COPG2: variants seen among roughly 807,000 people sequenced by gnomAD.
COPG2 encodes the protein coat protein complex I subunit gamma 2.
A neutral mutation model predicts 46.3 loss-of-function variants in COPG2; 37 were observed. That is an observed-to-expected ratio of 0.80 (90% CI 0.61 to 1.05). COPG2 has a LOEUF of 1.05. Among genes scored for constraint, COPG2 ranks in the 50% least tolerant of loss-of-function variants. The pLI is 0.00. For synonymous variants in COPG2, 159 were observed against 129.7 expected (o/e 1.23, Z -1.53); for missense variants, 427 against 387.8 (o/e 1.10, Z -0.85).
intron 3 of COPG2, among the ~76,000 whole-genome samples, chr7:130,664,161 T>C (rs1796030711): frequency 6.6e-6 from 1 of 152,194 alleles, no homozygotes; most frequent in African/African-American, 2.4e-5. Flanking sequence ...CCTCAAATAT[T>C]ACCATTTCAA....
At chr7:130,608,316 C>A in intron 9 of COPG2, 1 of 329,806 alleles carries the variant, frequency 3.0e-6, no homozygotes, top group South Asian at 2.7e-5. Context: ...TAATTTGCTG[C>A]TGGTTTTAGT....
chr7:130,587,306 C>CA (rs540920750), intron 9 of COPG2, among the ~76,000 whole-genome samples: 6 of 150,638 alleles, frequency 4.0e-5, no homozygotes, highest in East Asian at 1.9e-4. Flanking sequence ...GACTCCATCT[C>CA]AAAAAAAAGA....
intron 20 of COPG2, among the ~76,000 whole-genome samples, chr7:130,536,577 G>A (rs958571179): frequency 0.015 from 2,279 of 152,328 alleles, 60 homozygotes; most frequent in African/African-American, 0.052. Context: ...ATCCTCGGGT[G>A]AGAATCACTG....
At chr7:130,575,978 C>T (rs1252108603) in intron 9 of COPG2, among the ~76,000 whole-genome samples, 4 of 152,160 alleles carry the variant, frequency 2.6e-5, no homozygotes, top group Non-Finnish European at 5.9e-5. Flanking sequence ...CAAAGGGGTA[C>T]ATTAGATAAT....
chr7:130,584,576 A>G (rs1554447749), intron 9 of COPG2, among the ~76,000 whole-genome samples: 1 of 152,070 alleles, frequency 6.6e-6, no homozygotes, highest in Non-Finnish European at 1.5e-5. Context: ...ACTCCTCCAG[A>G]AATCTCTTAG....
chr7:130,561,966 C>T (rs1793728518), intron 11 of COPG2, among the ~76,000 whole-genome samples: 1 of 152,182 alleles, frequency 6.6e-6, no homozygotes, highest in South Asian at 2.1e-4. Flanking sequence ...TAAGAGATAA[C>T]ACCATATAAC....
intron 9 of COPG2, chr7:130,610,060 T>G: frequency 1.9e-6 from 1 of 518,392 alleles, no homozygotes; most frequent in Non-Finnish European, 3.9e-6. Flanking sequence ...CATCTGTAAG[T>G]CAGCTTCTAC....
At chr7:130,538,402 A>G (rs917238895) in intron 20 of COPG2, among the ~76,000 whole-genome samples, 1 of 152,120 alleles carries the variant, frequency 6.6e-6, no homozygotes, top group Non-Finnish European at 1.5e-5. Context: ...GTGTCCGTAC[A>G]GGGTCCGATG....
intron 4 of COPG2, among the ~76,000 whole-genome samples, 172 bp downstream of exon 4, chr7:130,662,795 A>G (rs3843545): frequency 0.058 from 8,840 of 152,266 alleles, 328 homozygotes; most frequent in African/African-American, 0.11. Flanking sequence ...TACACTGCAT[A>G]CTTTAATTCT....
intron 20 of COPG2, among the ~76,000 whole-genome samples, chr7:130,534,072 T>C (rs1799856428): frequency 1.3e-5 from 2 of 151,318 alleles, no homozygotes; most frequent in South Asian, 4.2e-4. Flanking sequence ...AAAATGGGGG[T>C]GCGCCAGACC....
intron 9 of COPG2, among the ~76,000 whole-genome samples, chr7:130,608,889 A>G (rs1794786429): frequency 6.6e-6 from 1 of 151,686 alleles, no homozygotes; most frequent in African/African-American, 2.4e-5. Context: ...ATTTTTTGAG[A>G]TGGGGATCTC....
At chr7:130,544,070 G>A (rs1198806054) in intron 20 of COPG2, among the ~76,000 whole-genome samples, 1 of 152,150 alleles carries the variant, frequency 6.6e-6, no homozygotes, top group African/African-American at 2.4e-5. Context: ...GGAAAGGGTG[G>A]CTGAATCAAA....
At chr7:130,607,227 TGA>T (rs1379308907) in intron 9 of COPG2, among the ~76,000 whole-genome samples, 4 of 148,256 alleles carry the variant, frequency 2.7e-5, no homozygotes, top group African/African-American at 1.0e-4. Flanking sequence ...CACAACAGAG[TGA>T]GAGAGACTGT....
chr7:130,667,284 TCATGTCTTTG>T (rs1249908007), intron 2 of COPG2, among the ~76,000 whole-genome samples, 188 bp downstream of exon 2: 3 of 152,252 alleles, frequency 2.0e-5, no homozygotes, highest in African/African-American at 7.2e-5. Context: ...GTGACAGTCT[TCATGTCTTTG>T]CATTTCTATA....
At chr7:130,652,018 T>C (rs897249905) in intron 5 of COPG2, among the ~76,000 whole-genome samples, 14 of 152,192 alleles carry the variant, frequency 9.2e-5, no homozygotes, top group Non-Finnish European at 1.8e-4. Context: ...TTTAGCACTT[T>C]ATGAAGACTT....
At chr7:130,668,587 G>C in intron 1 of COPG2, 45 bp downstream of exon 1, 3 of 1,485,498 alleles carry the variant, frequency 2.0e-6, no homozygotes, top group Non-Finnish European at 2.7e-6. Flanking sequence ...GCGGGGGAAG[G>C]GGCGTCCCGC....
At chr7:130,565,360 G>C (rs2116407662) in intron 9 of COPG2, among the ~76,000 whole-genome samples, 1 of 152,300 alleles carries the variant, frequency 6.6e-6, no homozygotes, top group African/African-American at 2.4e-5. Context: ...AAAGACTTCA[G>C]TGTCTATACA....
At chr7:130,513,556 G>T (rs982779505) in intron 20 of COPG2, among the ~76,000 whole-genome samples, 1 of 151,540 alleles carries the variant, frequency 6.6e-6, no homozygotes, top group Non-Finnish European at 1.5e-5. Flanking sequence ...AGAGTAAGTA[G>T]ATAAATAAGA....
chr7:130,647,361 T>C (rs1783718280), intron 5 of COPG2, among the ~76,000 whole-genome samples: 2 of 152,114 alleles, frequency 1.3e-5, no homozygotes, highest in South Asian at 2.1e-4. Context: ...TATAGCAGTA[T>C]GAAAATGGAC....
Sources: allele counts gnomAD v4.1 joint callset (sites outside exome capture counted in the v4.1 genomes callset), GRCh38; gene constraint gnomAD v4.1.1; transcripts MANE v1.5; gene names NCBI Gene and HGNC (gene_info 2026-07-23, HGNC 2026-07-21).